Variants in PRKD1 observed in about 807,000 individuals in gnomAD.
The protein encoded by PRKD1 is protein kinase D1, also known as serine/threonine-protein kinase D1.
Under a neutral mutation model 95.9 loss-of-function variants are expected in PRKD1, and 63 were observed. That is an observed-to-expected ratio of 0.66 (90% CI 0.54 to 0.81). PRKD1 has a LOEUF of 0.81. PRKD1 is among the 30% of genes least tolerant of loss of function. The probability of loss-of-function intolerance (pLI) is 0.00; values close to 1 mark genes in which losing one functional copy is unlikely to be tolerated. For missense variants in PRKD1, 1,048 were observed against 1,165.3 expected (o/e 0.90, Z 1.47); for synonymous variants, 425 against 423.1 (o/e 1.00, Z -0.05).
intron 2 of PRKD1, among the ~76,000 whole-genome samples, chr14:29,670,964 G>A (rs994219302): frequency 6.6e-6 from 1 of 152,020 alleles, no homozygotes; most frequent in African/African-American, 2.4e-5. Context: ...GAAAATGAAG[G>A]GAATCTCCAT....
chr14:29,691,591 C>T (rs1229659729), intron 2 of PRKD1, among the ~76,000 whole-genome samples: 1 of 151,954 alleles, frequency 6.6e-6, no homozygotes, highest in Non-Finnish European at 1.5e-5. Flanking sequence ...TAATTGCACC[C>T]AAAGTAACAA....
chr14:29,763,411 AGAAGGG>A (rs1888105880), intron 1 of PRKD1, among the ~76,000 whole-genome samples: 1 of 76,526 alleles, frequency 1.3e-5, no homozygotes, highest in Non-Finnish European at 2.5e-5. Flanking sequence ...GGAGGGAGGG[AGAAGGG>A]AGGGGAAGGG....
At chr14:29,588,313 G>T (rs1289935753) in intron 16 of PRKD1, among the ~76,000 whole-genome samples, 1 of 152,124 alleles carries the variant, frequency 6.6e-6, no homozygotes, top group Non-Finnish European at 1.5e-5. Flanking sequence ...AACACTGTTG[G>T]ATTTTGAAAA....
chr14:29,654,307 G>A (rs961342064), intron 4 of PRKD1, among the ~76,000 whole-genome samples: 3 of 152,066 alleles, frequency 2.0e-5, no homozygotes, highest in Non-Finnish European at 4.4e-5. Context: ...GAGTAGCTGG[G>A]ATTACAGGTG....
intron 1 of PRKD1, among the ~76,000 whole-genome samples, chr14:29,828,487 G>A (rs994312903): frequency 1.3e-5 from 2 of 152,038 alleles, no homozygotes; most frequent in Non-Finnish European, 2.9e-5. Flanking sequence ...GTCACATTTC[G>A]ACAGGAGACT....
chr14:29,818,203 T>A (rs1255113981), intron 1 of PRKD1, among the ~76,000 whole-genome samples: 2 of 152,170 alleles, frequency 1.3e-5, no homozygotes, highest in Admixed American at 6.6e-5. Context: ...GTCTGAATGT[T>A]GTGGAAATAA....
At chr14:29,669,866 T>TCAAAAAA (rs1259461782) in intron 2 of PRKD1, among the ~76,000 whole-genome samples, 3 of 152,082 alleles carry the variant, frequency 2.0e-5, no homozygotes, top group Non-Finnish European at 4.4e-5. Context: ...AGACTGTGTC[T>TCAAAAAA]CAAAAAACAA....
chr14:29,863,206 A>G (rs577232588), intron 1 of PRKD1, among the ~76,000 whole-genome samples: 5 of 152,300 alleles, frequency 3.3e-5, no homozygotes, highest in African/African-American at 1.2e-4. Context: ...TTTATTTCAC[A>G]TTACAGACAT....
At chr14:29,709,157 A>C (rs976065064) in intron 2 of PRKD1, among the ~76,000 whole-genome samples, 1 of 152,186 alleles carries the variant, frequency 6.6e-6, no homozygotes, top group African/African-American at 2.4e-5. Context: ...TGTCCCATAA[A>C]GTTAGCTTAC....
intron 13 of PRKD1, among the ~76,000 whole-genome samples, chr14:29,616,392 C>T (rs1411360276): frequency 1.3e-5 from 2 of 151,444 alleles, no homozygotes; most frequent in Non-Finnish European, 2.9e-5. Flanking sequence ...TTGACTATAG[C>T]TATGAGACGC....
chr14:29,750,616 G>GCACGCACACACA (rs1887435870), intron 1 of PRKD1, among the ~76,000 whole-genome samples: 3 of 148,374 alleles, frequency 2.0e-5, no homozygotes, highest in African/African-American at 7.5e-5. Context: ...ATGAACGCGC[G>GCACGCACACACA]CACACACACA....
intron 13 of PRKD1, among the ~76,000 whole-genome samples, chr14:29,613,735 T>C (rs144239026): frequency 3.3e-5 from 5 of 152,322 alleles, no homozygotes; most frequent in African/African-American, 1.2e-4. Flanking sequence ...AAAATCCAAC[T>C]GACTTGGTAA....
intron 1 of PRKD1, among the ~76,000 whole-genome samples, chr14:29,738,746 C>CTTCT (rs1253013215): frequency 3.3e-5 from 5 of 151,688 alleles, no homozygotes; most frequent in South Asian, 2.1e-4. Flanking sequence ...AAGCCCAATG[C>CTTCT]TTCTTTCTTT....
At chr14:29,663,441 G>A (rs1882302733) in intron 4 of PRKD1, among the ~76,000 whole-genome samples, 1 of 152,060 alleles carries the variant, frequency 6.6e-6, no homozygotes, top group South Asian at 2.1e-4. Flanking sequence ...ATTAGTTCGT[G>A]CTGCTCTGGC....
At chr14:29,823,136 C>G (rs1456597765) in intron 1 of PRKD1, among the ~76,000 whole-genome samples, 1 of 152,156 alleles carries the variant, frequency 6.6e-6, no homozygotes, top group Non-Finnish European at 1.5e-5. Context: ...TGTGAATCAA[C>G]TAAGCCCAGC....
intron 4 of PRKD1, among the ~76,000 whole-genome samples, chr14:29,646,573 A>AT (rs1023502813): frequency 6.6e-6 from 1 of 151,320 alleles, no homozygotes; most frequent in Non-Finnish European, 1.5e-5. Flanking sequence ...AGATAGATAA[A>AT]TTTTTTTCAG....
At chr14:29,791,334 G>A (rs1359485452) in intron 1 of PRKD1, among the ~76,000 whole-genome samples, 1 of 152,070 alleles carries the variant, frequency 6.6e-6, no homozygotes, top group Non-Finnish European at 1.5e-5. Flanking sequence ...AGGTAAAGTT[G>A]ACATAAAGTA....
intron 1 of PRKD1, among the ~76,000 whole-genome samples, chr14:29,811,578 A>G (rs577525010): frequency 6.6e-6 from 1 of 152,322 alleles, no homozygotes; most frequent in African/African-American, 2.4e-5. Context: ...CCCTGTTCTA[A>G]GACCTGTGGG....
chr14:29,916,379 A>G (rs2139130266), intron 1 of PRKD1, among the ~76,000 whole-genome samples: 1 of 152,282 alleles, frequency 6.6e-6, no homozygotes, highest in South Asian at 2.1e-4. Context: ...CTTTGCTGTC[A>G]TGTTCTTTTC....
Sources: gnomAD v4.1 joint callset for allele counts (sites outside exome capture counted in the v4.1 genomes callset) on GRCh38, gnomAD v4.1.1 for gene constraint, MANE v1.5 for transcripts, NCBI Gene and HGNC (gene_info 2026-07-23, HGNC 2026-07-21) for gene names.